ANO3: variants seen among roughly 807,000 people sequenced by gnomAD.
ANO3 encodes anoctamin-3.
Under a neutral mutation model 144.8 loss-of-function variants are expected in ANO3, and 99 were observed. The ratio of observed to expected loss-of-function variants is 0.68; its 90% CI spans 0.58 to 0.81. The LOEUF (loss-of-function observed/expected upper bound fraction) is 0.81, where lower values mean the gene tolerates loss of function less well. Among genes scored for constraint, ANO3 ranks in the 30% least tolerant of loss-of-function variants. ANO3 has a pLI of 0.00. For synonymous variants in ANO3, 414 were observed against 392.6 expected (o/e 1.05, Z -0.64); for missense variants, 905 against 1,202.2 (o/e 0.75, Z 3.66).
intron 25 of ANO3, 58 bp downstream of exon 25, chr11:26,656,263 C>A (rs1269039976): frequency 2.0e-6 from 3 of 1,508,534 alleles, no homozygotes; most frequent in East Asian, 2.3e-5. Context: ...CTCCCCCCTG[C>A]ATGTTAATGA....
At chr11:26,548,147 C>T (rs1476511737) in intron 12 of ANO3, among the ~76,000 whole-genome samples, 1 of 150,768 alleles carries the variant, frequency 6.6e-6, no homozygotes, top group African/African-American at 2.4e-5. Flanking sequence ...TCTGGAGGAA[C>T]AAATATTTAT....
intron 1 of ANO3, among the ~76,000 whole-genome samples, chr11:26,378,768 A>T (rs1250551494): frequency 6.6e-6 from 1 of 152,086 alleles, no homozygotes; most frequent in African/African-American, 2.4e-5. Context: ...GGGTCTGTTA[A>T]CTGTACCCAG....
chr11:26,269,654 T>C (rs762969509), intron 1 of ANO3, among the ~76,000 whole-genome samples: 7 of 152,224 alleles, frequency 4.6e-5, no homozygotes, highest in Non-Finnish European at 1.0e-4. Context: ...GCTCTGGCTC[T>C]CTCAGTCATC....
intron 1 of ANO3, among the ~76,000 whole-genome samples, chr11:26,358,170 CTT>C (rs34078380): frequency 4.2e-5 from 5 of 119,662 alleles, no homozygotes; most frequent in African/African-American, 6.2e-5. Context: ...ACAATTTCAA[CTT>C]TTTTTTTTTT....
intron 1 of ANO3, among the ~76,000 whole-genome samples, chr11:26,267,188 A>T (rs1033055269): frequency 6.6e-6 from 1 of 150,954 alleles, no homozygotes; most frequent in South Asian, 2.1e-4. Context: ...ACGCACGCAC[A>T]CACACACACA....
At chr11:26,524,216 G>A (rs755709720) in intron 6 of ANO3, among the ~76,000 whole-genome samples, 2 of 152,090 alleles carry the variant, frequency 1.3e-5, no homozygotes, top group Non-Finnish European at 2.9e-5. Context: ...ATTGAGTGAA[G>A]TACGCACACA....
At chr11:26,487,054 C>T (rs1045810265) in intron 4 of ANO3, among the ~76,000 whole-genome samples, 3 of 152,162 alleles carry the variant, frequency 2.0e-5, no homozygotes, top group Non-Finnish European at 2.9e-5. Flanking sequence ...GATTGGCTTC[C>T]AAAGTCTCCA....
chr11:26,301,826 C>A (rs111740421), intron 1 of ANO3, among the ~76,000 whole-genome samples: 1 of 152,192 alleles, frequency 6.6e-6, no homozygotes, highest in Non-Finnish European at 1.5e-5. Context: ...TCCCTGCCCC[C>A]ATTGATGTCA....
upstream of ANO3, among the ~76,000 whole-genome samples, chr11:26,328,107 T>C (rs11029521): frequency 0.014 from 2,105 of 152,218 alleles, 46 homozygotes; most frequent in African/African-American, 0.048. Flanking sequence ...TCAGAGAAGG[T>C]TGAGGCTGCT....
intron 14 of ANO3, among the ~76,000 whole-genome samples, chr11:26,567,602 C>T (rs1244202708): frequency 6.6e-6 from 1 of 151,950 alleles, no homozygotes; most frequent in Non-Finnish European, 1.5e-5. Flanking sequence ...TACTTCTCTT[C>T]AAAAGCTTTT....
chr11:26,506,834 TC>T (rs530032469), intron 4 of ANO3, among the ~76,000 whole-genome samples: 334 of 152,316 alleles, frequency 2.2e-3, no homozygotes, highest in African/African-American at 7.7e-3. Context: ...GGCCTTTATC[TC>T]CTTAAACATC....
intron 1 of ANO3, among the ~76,000 whole-genome samples, chr11:26,362,802 A>G (rs1464532942): frequency 6.6e-6 from 1 of 152,190 alleles, no homozygotes; most frequent in Non-Finnish European, 1.5e-5. Flanking sequence ...CTATACCATG[A>G]GGGAAGGTGT....
At chr11:26,289,741 T>C (rs1013977962) in intron 1 of ANO3, among the ~76,000 whole-genome samples, 22 of 147,288 alleles carry the variant, frequency 1.5e-4, no homozygotes, top group African/African-American at 5.2e-4. Context: ...TATATGTGTA[T>C]ATATATTCTA....
chr11:26,602,724 C>T (rs1354811621), intron 17 of ANO3, among the ~76,000 whole-genome samples: 1 of 146,306 alleles, frequency 6.8e-6, no homozygotes, highest in African/African-American at 2.5e-5. Flanking sequence ...GTACTCCAGC[C>T]TGAATGACAA....
intron 1 of ANO3, among the ~76,000 whole-genome samples, chr11:26,438,417 C>T (rs1413861037): frequency 6.6e-6 from 1 of 151,608 alleles, no homozygotes; most frequent in African/African-American, 2.4e-5. Context: ...TACTTACCCC[C>T]AAAGTGATTA....
intron 1 of ANO3, among the ~76,000 whole-genome samples, chr11:26,279,562 T>C (rs1207254405): frequency 6.6e-6 from 1 of 152,124 alleles, no homozygotes; most frequent in Non-Finnish European, 1.5e-5. Flanking sequence ...AGAGTACAAA[T>C]AGTCAAGAAG....
At chr11:26,333,436 C>T (rs1855110970) in intron 1 of ANO3, among the ~76,000 whole-genome samples, 1 of 152,132 alleles carries the variant, frequency 6.6e-6, no homozygotes, top group South Asian at 2.1e-4. Context: ...CGCCCGCCAC[C>T]AAGCCCAGCT....
intron 1 of ANO3, among the ~76,000 whole-genome samples, chr11:26,315,051 T>G (rs1418077420): frequency 6.6e-6 from 1 of 152,098 alleles, no homozygotes; most frequent in East Asian, 1.9e-4. Context: ...ATTTTACATC[T>G]AATATTTTCT....
intron 20 of ANO3, among the ~76,000 whole-genome samples, chr11:26,638,158 C>T (rs1853025624): frequency 6.6e-6 from 1 of 152,090 alleles, no homozygotes. Flanking sequence ...TAGAATTCAA[C>T]ACCTCCCCAC....
Sources: gnomAD v4.1 joint callset for allele counts (sites outside exome capture counted in the v4.1 genomes callset) on GRCh38, gnomAD v4.1.1 for gene constraint, MANE v1.5 for transcripts, NCBI Gene and HGNC (gene_info 2026-07-23, HGNC 2026-07-21) for gene names.